C12orf42: variants seen among roughly 807,000 people sequenced by gnomAD.
C12orf42 encodes chromosome 12 open reading frame 42, also known as uncharacterized protein C12orf42.
In C12orf42, 25 loss-of-function variants were observed where a neutral mutation model predicts 21.6. The observed-to-expected ratio is 1.16, with a 90% CI of 0.84 to 1.62. The LOEUF (loss-of-function observed/expected upper bound fraction) is 1.62, where lower values mean the gene tolerates loss of function less well. Among genes scored for constraint, C12orf42 ranks in the 40% most tolerant of loss-of-function variants. The pLI, the probability that C12orf42 is intolerant of heterozygous loss-of-function variation, is 0.00. For missense variants in C12orf42, 483 were observed against 459.3 expected (o/e 1.05, Z -0.47); for synonymous variants, 174 against 175.0 (o/e 0.99, Z 0.05).
At chr12:103,502,063 A>G in the C12orf42 span, among the ~76,000 whole-genome samples, 1 of 152,046 alleles carries the variant, frequency 6.6e-6, no homozygotes, top group African/African-American at 2.4e-5. Flanking sequence ...TTTTGTACTC[A>G]CCTTTTTTAT....
chr12:103,298,643 G>T (rs2037457903), downstream of C12orf42, among the ~76,000 whole-genome samples: 1 of 148,242 alleles, frequency 6.7e-6, no homozygotes, highest in Non-Finnish European at 1.5e-5. Context: ...CTCTGGCCAA[G>T]TGGTAGGAGT....
the C12orf42 span, among the ~76,000 whole-genome samples, chr12:103,517,965 T>A: frequency 2.6e-5 from 4 of 152,322 alleles, no homozygotes; most frequent in African/African-American, 9.6e-5. Context: ...ATTTTTGTGG[T>A]TGTTTTTAAC....
At chr12:103,161,122 G>A in the C12orf42 span, among the ~76,000 whole-genome samples, 1 of 152,140 alleles carries the variant, frequency 6.6e-6, no homozygotes, top group Non-Finnish European at 1.5e-5. Context: ...TTCCAAAGTG[G>A]GGCAGGCTTT....
chr12:103,473,943 A>T (rs1283591570), intron 2 of C12orf42, among the ~76,000 whole-genome samples: 1 of 152,184 alleles, frequency 6.6e-6, no homozygotes, highest in Non-Finnish European at 1.5e-5. Flanking sequence ...ATCAGTGCAG[A>T]TGTTTTGATT....
At chr12:103,217,755 C>T in the C12orf42 span, among the ~76,000 whole-genome samples, 310 of 152,160 alleles carry the variant, frequency 2.0e-3, no homozygotes, top group Non-Finnish European at 3.3e-3. Context: ...ACTGCTATTC[C>T]TCTCTATATA....
chr12:103,168,371 C>A, the C12orf42 span: 1 of 249,138 alleles, frequency 4.0e-6, no homozygotes, highest in Non-Finnish European at 8.0e-6. Context: ...TTAGATATTA[C>A]CTAGTTCAAC....
the C12orf42 span, among the ~76,000 whole-genome samples, chr12:103,117,001 A>G: frequency 2.6e-5 from 4 of 152,220 alleles, no homozygotes; most frequent in African/African-American, 9.6e-5. Flanking sequence ...GGTAATTAGC[A>G]TATCCATCAT....
chr12:103,364,217 G>T (rs2044378822), intron 4 of C12orf42, among the ~76,000 whole-genome samples: 5 of 152,054 alleles, frequency 3.3e-5, no homozygotes, highest in Admixed American at 3.3e-4. Flanking sequence ...CAAATACATG[G>T]AAATTAAATA....
At chr12:103,418,672 C>G (rs1047242691) in intron 2 of C12orf42, among the ~76,000 whole-genome samples, 7 of 151,810 alleles carry the variant, frequency 4.6e-5, no homozygotes, top group African/African-American at 1.7e-4. Flanking sequence ...TAACAAGCCC[C>G]AGATCATGAG....
chr12:103,101,392 TA>T, the C12orf42 span, among the ~76,000 whole-genome samples: 2 of 152,258 alleles, frequency 1.3e-5, no homozygotes, highest in African/African-American at 4.8e-5. Context: ...GCACTTCTCC[TA>T]ATTGTTCATC....
At chr12:103,069,996 T>C in the C12orf42 span, among the ~76,000 whole-genome samples, 1 of 152,188 alleles carries the variant, frequency 6.6e-6, no homozygotes, top group Admixed American at 6.6e-5. Context: ...GGTAGCTCTT[T>C]GGGAGCTTCA....
intron 1 of C12orf42, among the ~76,000 whole-genome samples, chr12:103,487,862 A>G (rs1364634794): frequency 6.6e-6 from 1 of 151,980 alleles, no homozygotes; most frequent in African/African-American, 2.4e-5. Flanking sequence ...TGCATGTGAG[A>G]TGGGTCTCCT....
the C12orf42 span, among the ~76,000 whole-genome samples, chr12:103,124,810 C>T: frequency 6.6e-6 from 1 of 152,080 alleles, no homozygotes; most frequent in Non-Finnish European, 1.5e-5. Context: ...TTGGGCAATA[C>T]AGTATCTGAA....
At chr12:103,426,761 C>A (rs925630659) in intron 2 of C12orf42, among the ~76,000 whole-genome samples, 12 of 152,170 alleles carry the variant, frequency 7.9e-5, no homozygotes, top group Non-Finnish European at 1.6e-4. Context: ...GCGGATCTCT[C>A]GGCAGAAACC....
the C12orf42 span, among the ~76,000 whole-genome samples, chr12:103,534,919 T>C: frequency 6.6e-6 from 1 of 152,332 alleles, no homozygotes; most frequent in African/African-American, 2.4e-5. Flanking sequence ...ATAAGAAAGA[T>C]TCAGGTTCTC....
At chr12:103,084,427 T>C in the C12orf42 span, among the ~76,000 whole-genome samples, 1 of 152,292 alleles carries the variant, frequency 6.6e-6, no homozygotes, top group Middle Eastern at 3.4e-3. Context: ...CTGGGGTACA[T>C]GTACAGAATG....
chr12:103,436,602 C>T (rs1198236881), intron 2 of C12orf42, among the ~76,000 whole-genome samples: 2 of 150,252 alleles, frequency 1.3e-5, no homozygotes, highest in Non-Finnish European at 3.0e-5. Context: ...GGTTGCAATC[C>T]TAGTCTCTGA....
At chr12:103,299,966 C>T (rs1042434408), downstream of C12orf42, among the ~76,000 whole-genome samples, 2 of 152,196 alleles carry the variant, frequency 1.3e-5, no homozygotes, top group South Asian at 2.1e-4. Context: ...TAAACAGAGA[C>T]AGCTCATTAC....
chr12:103,507,028 TATA>T, the C12orf42 span, among the ~76,000 whole-genome samples: 3 of 14,032 alleles, frequency 2.1e-4, no homozygotes, highest in African/African-American at 1.0e-3. Context: ...TATATTTATA[TATA>T]ATATATATAT....
Sources: gnomAD v4.1 joint callset for allele counts (sites outside exome capture counted in the v4.1 genomes callset) on GRCh38, gnomAD v4.1.1 for gene constraint, MANE v1.5 for transcripts, NCBI Gene and HGNC (gene_info 2026-07-23, HGNC 2026-07-21) for gene names.